Variants in UBTD2 observed in about 807,000 individuals in gnomAD.
The protein encoded by UBTD2 is ubiquitin domain-containing protein 2.
In UBTD2, 9 loss-of-function variants were observed where a neutral mutation model predicts 19.8. That is an observed-to-expected ratio of 0.46 (90% CI 0.27 to 0.79). UBTD2 has a LOEUF of 0.79. Among genes scored for constraint, UBTD2 ranks in the 30% least tolerant of loss-of-function variants. The pLI, the probability that UBTD2 is intolerant of heterozygous loss-of-function variation, is 0.14. For missense variants in UBTD2, 250 were observed against 300.4 expected (o/e 0.83, Z 1.24); for synonymous variants, 98 against 103.9 (o/e 0.94, Z 0.35).
chr5:172,275,918 C>T (rs6894637), intron 1 of UBTD2, among the ~76,000 whole-genome samples: 111,245 of 152,134 alleles, frequency 0.73, 42,005 homozygotes, highest in African/African-American at 0.93. Flanking sequence ...TTTACTTCTC[C>T]TTTTCTCTTC....
intron 1 of UBTD2, among the ~76,000 whole-genome samples, chr5:172,245,368 G>A (rs970246932): frequency 6.6e-6 from 1 of 152,168 alleles, no homozygotes; most frequent in Non-Finnish European, 1.5e-5. Context: ...CTAAAATTCT[G>A]TGTTTGAACT....
intron 1 of UBTD2, among the ~76,000 whole-genome samples, chr5:172,276,319 T>C (rs932201853): frequency 6.6e-6 from 1 of 152,158 alleles, no homozygotes; most frequent in African/African-American, 2.4e-5. Flanking sequence ...TAAGCTCTTC[T>C]CTTCAAGAGT....
In UBTD2 at chr5:172,209,683, T is replaced by C. The variant is rs954949914; in HGVS notation, c.*2147A>G. The C allele has an allele frequency of 6.9e-6, 1 of 144,860 alleles. No individual in the cohort carries two copies. The highest frequency in any genetic ancestry group is 3.5e-3 in the Middle Eastern group (1 of 282). 9.0% of individuals were successfully genotyped at this position (144,860 alleles called of 1,614,324 possible). A position where few individuals can be genotyped will look rare whatever the true frequency, so the allele number is the denominator to read the frequency against. ...TTTTTTTTTTTTTAAAAAAAGCACA[T>C]AAACCCTACATACTAAAATTATACA... On this transcript the variant is annotated 3_prime_UTR_variant, in exon 3 of 3. Coordinates refer to ENST00000393792, the MANE Select transcript of UBTD2 (RefSeq NM_152277.3).
rs935062931 is a variant in UBTD2 at position 172,221,552 on chromosome 5, G to A, written c.308-9325C>T. ...GAGCCAGTAAGTCATGAAAACACATGGCGAAAACTTAAATGCATATTAGTT... is the reference window on the plus strand; with the variant it reads ...GAGCCAGTAAGTCATGAAAACACATAGCGAAAACTTAAATGCATATTAGTT... On this transcript the variant is annotated intron_variant, in intron 2 of 2. Coordinates refer to ENST00000393792, the MANE Select transcript of UBTD2 (RefSeq NM_152277.3). Among the ~76,000 whole-genome samples, 54 of 151,982 alleles carry A rather than the reference G, an allele frequency of 3.6e-4. 1 individual carries two copies. The highest frequency in any genetic ancestry group is 3.5e-3 in the Admixed American group (54 of 15,244).
chr5:172,213,928 A>G (rs920226446), intron 2 of UBTD2, among the ~76,000 whole-genome samples: 11 of 152,192 alleles, frequency 7.2e-5, no homozygotes, highest in African/African-American at 2.7e-4. Context: ...CAGGGATTAC[A>G]GGCATGCGCC....
intron 1 of UBTD2, among the ~76,000 whole-genome samples, chr5:172,268,774 G>A (rs1384752662): frequency 6.6e-6 from 1 of 151,932 alleles, no homozygotes; most frequent in African/African-American, 2.4e-5. Flanking sequence ...TAGGGAAGAA[G>A]AGGAGGAGGA....
chr5:172,270,056 G>A (rs374028364), intron 1 of UBTD2, among the ~76,000 whole-genome samples: 2 of 150,994 alleles, frequency 1.3e-5, no homozygotes, highest in Non-Finnish European at 3.0e-5. Context: ...CAGCCTGGGC[G>A]ACAGAGCAAG....
chr5:172,260,745 G>C (rs1003815788), intron 1 of UBTD2, among the ~76,000 whole-genome samples: 6 of 152,002 alleles, frequency 3.9e-5, no homozygotes, highest in African/African-American at 1.5e-4. Flanking sequence ...AGAAGTACTG[G>C]GTATCATTTT....
intron 2 of UBTD2, among the ~76,000 whole-genome samples, chr5:172,220,495 C>T (rs913528592): frequency 2.6e-5 from 4 of 152,068 alleles, no homozygotes; most frequent in African/African-American, 7.2e-5. Flanking sequence ...ACTAGCCGAG[C>T]GTGGTGGCAC....
At chr5:172,242,240 T>A (rs944165508) in intron 1 of UBTD2, among the ~76,000 whole-genome samples, 18 of 152,212 alleles carry the variant, frequency 1.2e-4, no homozygotes, top group African/African-American at 4.3e-4. Flanking sequence ...AATTACCCAG[T>A]CTCAGGTATT....
intron 1 of UBTD2, among the ~76,000 whole-genome samples, chr5:172,249,896 C>T (rs889074884): frequency 1.3e-5 from 2 of 152,140 alleles, no homozygotes; most frequent in African/African-American, 4.8e-5. Context: ...AAAACTTCCT[C>T]AACATAATAA....
intron 1 of UBTD2, among the ~76,000 whole-genome samples, chr5:172,252,753 T>C (rs1014144776): frequency 1.3e-5 from 2 of 152,166 alleles, no homozygotes; most frequent in Non-Finnish European, 2.9e-5. Flanking sequence ...CAAGTCCTTC[T>C]CCTTTAATGG....
intron 2 of UBTD2, among the ~76,000 whole-genome samples, chr5:172,226,470 T>C (rs1261842521): frequency 1.3e-5 from 2 of 152,196 alleles, no homozygotes; most frequent in Non-Finnish European, 2.9e-5. Context: ...AATTGCCTAG[T>C]ACATATAACA....
chr5:172,224,877 T>A (rs1483568582), intron 2 of UBTD2, among the ~76,000 whole-genome samples: 1 of 152,230 alleles, frequency 6.6e-6, no homozygotes, highest in Non-Finnish European at 1.5e-5. Flanking sequence ...GAAGGAACAC[T>A]CTAAAAGTTG....
chr5:172,255,083 G>A (rs557342974), intron 1 of UBTD2: 109 of 491,138 alleles, frequency 2.2e-4, no homozygotes, highest in African/African-American at 1.7e-3. Flanking sequence ...CAAGTGGCAC[G>A]TCAAAAGGCT....
At chr5:172,260,583 C>A (rs1003221334) in intron 1 of UBTD2, among the ~76,000 whole-genome samples, 2 of 152,174 alleles carry the variant, frequency 1.3e-5, no homozygotes, top group African/African-American at 2.4e-5. Context: ...CCCACAATAA[C>A]CTATTCCTAC....
intron 2 of UBTD2, among the ~76,000 whole-genome samples, chr5:172,213,159 T>A (rs1311406063): frequency 6.6e-6 from 1 of 151,312 alleles, no homozygotes; most frequent in East Asian, 1.9e-4. Flanking sequence ...CCTGGGTGAT[T>A]TTTGTATTTT....
intron 1 of UBTD2, among the ~76,000 whole-genome samples, chr5:172,253,797 C>A (rs1755080407): frequency 6.6e-6 from 1 of 152,040 alleles, no homozygotes; most frequent in Admixed American, 6.6e-5. Context: ...AATAAATTTA[C>A]TCTGACATTC....
intron 1 of UBTD2, among the ~76,000 whole-genome samples, chr5:172,262,615 C>T (rs1755293728): frequency 1.3e-5 from 2 of 151,736 alleles, no homozygotes; most frequent in Admixed American, 1.3e-4. Context: ...AGTTCGAGAC[C>T]AGCCTCACCA....
Sources: gnomAD v4.1 joint callset for allele counts (sites outside exome capture counted in the v4.1 genomes callset) on GRCh38, gnomAD v4.1.1 for gene constraint, MANE v1.5 for transcripts, NCBI Gene and HGNC (gene_info 2026-07-23, HGNC 2026-07-21) for gene names.